NCOA5: variants seen among roughly 807,000 people sequenced by gnomAD.
NCOA5 encodes the protein nuclear receptor coactivator 5, also known as NCoA-5.
NCOA5 carries 12 observed loss-of-function variants against 59.0 expected under a neutral mutation model. The ratio of observed to expected loss-of-function variants is 0.20; its 90% CI spans 0.13 to 0.33. The LOEUF is 0.33. Among genes scored for constraint, NCOA5 ranks in the 10% least tolerant of loss-of-function variants. The pLI, the probability that NCOA5 is intolerant of heterozygous loss-of-function variation, is 1.00. For missense variants in NCOA5, 655 were observed against 766.6 expected (o/e 0.85, Z 1.72); for synonymous variants, 270 against 275.5 (o/e 0.98, Z 0.20).
At chr20:46,075,984 G>C (rs2084934156) in intron 2 of NCOA5, among the ~76,000 whole-genome samples, 1 of 152,202 alleles carries the variant, frequency 6.6e-6, no homozygotes. Context: ...ATTGAATAGA[G>C]AGCAAAGCCA....
At chr20:46,089,331 G>A (rs10774) in intron 1 of NCOA5, among the ~76,000 whole-genome samples, 9,144 of 152,250 alleles carry the variant, frequency 0.06, 916 homozygotes, top group African/African-American at 0.21. Context: ...ACGGTGGCGG[G>A]GGACAGCGCT....
intron 1 of NCOA5, among the ~76,000 whole-genome samples, chr20:46,086,782 G>T (rs1283442536): frequency 6.6e-6 from 1 of 152,348 alleles, no homozygotes; most frequent in East Asian, 1.9e-4. Flanking sequence ...CAGCGTAGTA[G>T]AAAGAGTAGT....
At chr20:46,089,198 C>G (rs1004192031) in intron 1 of NCOA5, among the ~76,000 whole-genome samples, 5 of 152,148 alleles carry the variant, frequency 3.3e-5, no homozygotes, top group African/African-American at 1.2e-4. Flanking sequence ...TGGCGCTGAG[C>G]TACGTGGTAA....
At chr20:46,083,310 T>C (rs2085012064) in intron 1 of NCOA5, among the ~76,000 whole-genome samples, 1 of 152,218 alleles carries the variant, frequency 6.6e-6, no homozygotes. Context: ...TTAGCCAGCA[T>C]GAAAAGGAAG....
intron 5 of NCOA5, among the ~76,000 whole-genome samples, chr20:46,065,468 A>G (rs2084813532): frequency 6.6e-6 from 1 of 152,074 alleles, no homozygotes; most frequent in African/African-American, 2.4e-5. Context: ...CCTTCTCTTG[A>G]TTCTCTAGCC....
intron 2 of NCOA5, 109 bp from the exon 3 acceptor site, chr20:46,070,645 G>C (rs1820747032): frequency 9.7e-7 from 1 of 1,033,190 alleles, no homozygotes; most frequent in African/African-American, 1.6e-5. Flanking sequence ...CTCTAAAACA[G>C]GGCAGCCAAA....
intron 3 of NCOA5, among the ~76,000 whole-genome samples, chr20:46,069,231 C>T (rs967897916): frequency 1.3e-5 from 2 of 152,190 alleles, no homozygotes; most frequent in Non-Finnish European, 2.9e-5. Context: ...AATAACTCCC[C>T]TCTCCCCAGC....
intron 1 of NCOA5, among the ~76,000 whole-genome samples, chr20:46,081,903 T>C (rs952260618): frequency 1.3e-5 from 2 of 151,790 alleles, no homozygotes; most frequent in African/African-American, 4.8e-5. Context: ...TCCTAACACA[T>C]GTGCACATAG....
At chr20:46,082,309 A>T (rs1247975165) in intron 1 of NCOA5, among the ~76,000 whole-genome samples, 1 of 152,190 alleles carries the variant, frequency 6.6e-6, no homozygotes, top group Non-Finnish European at 1.5e-5. Context: ...ATCCTTATAG[A>T]GAGATATAAT....
Position 46,079,406 on chromosome 20 carries a change from T to C in NCOA5, c.19A>G (p.Arg7Gly). 6.2e-7 allele frequency: 1 copy of C among 1,614,100 alleles called. No individual in the cohort carries two copies. Among genetic ancestry groups the C allele is most frequent in the Non-Finnish European group, 8.5e-7 (1 of 1,179,994 alleles). MNTAPS[R>G]PSPTRRDPYG... is the part of the protein sequence containing the mutation. ...CTTTACCTTCGTGTGGGGCTGGGTC[T>C]TGATGGAGCCGTATTCATATTTCTT... The change falls in exon 2 of 8, where the codon AGA becomes GGA. Residue 7 changes from arginine to glycine, a missense_variant. Arg to Gly is a moderately radical substitution (Grantham distance 125, BLOSUM62 -2). Around this residue, in one of 3 missense-constraint regions of NCOA5, gnomAD observed 250 missense variants for 260.1 expected, o/e 0.96. Transcript: ENST00000290231.
chr20:46,069,082 G>A (rs931559459), intron 3 of NCOA5, among the ~76,000 whole-genome samples: 4 of 151,948 alleles, frequency 2.6e-5, no homozygotes, highest in Admixed American at 2.6e-4. Flanking sequence ...AAAGTGCTGG[G>A]ATTACAGGCG....
rs760370737 is a variant in NCOA5 at position 46,065,068 on chromosome 20, G to A, written c.790C>T (p.Arg264Cys). The A allele has an allele frequency of 1.2e-6, 2 of 1,614,046 alleles. No homozygotes were observed. Among genetic ancestry groups the A allele is most frequent in the Admixed American group, 3.3e-5 (2 of 60,004 alleles). ...AACATGATGTTGACTGTGCAGGAGC[G>A]GTGAATCTGGTGTTGCTGGGTGATG... The part of the protein sequence containing the change: ...IVITQQHQIH[R>C]SCTVNIMFGT... The change falls in exon 6 of 8, where the codon CGC becomes TGC. Residue 264 changes from arginine to cysteine, a missense_variant. Physicochemically the swap from Arg to Cys is radical, Grantham distance 180 (BLOSUM62 -3). Transcript: ENST00000290231.
intron 3 of NCOA5, among the ~76,000 whole-genome samples, chr20:46,069,156 GC>G (rs1382287993): frequency 6.6e-6 from 1 of 152,062 alleles, no homozygotes; most frequent in African/African-American, 2.4e-5. Context: ...TATTCACAAT[GC>G]TGTGCAACCA....
intron 4 of NCOA5, among the ~76,000 whole-genome samples, chr20:46,067,409 CCT>C (rs2084836219): frequency 6.6e-6 from 1 of 152,124 alleles, no homozygotes; most frequent in South Asian, 2.1e-4. Flanking sequence ...CAAGCTGCTC[CCT>C]GAGAAGGCTG....
At chr20:46,085,570 G>C (rs758433195) in intron 1 of NCOA5, among the ~76,000 whole-genome samples, 48 of 152,152 alleles carry the variant, frequency 3.2e-4, no homozygotes, top group Non-Finnish European at 5.0e-4. Flanking sequence ...TGAGGAATGA[G>C]TGGGAGTTTA....
rs1319491969 is a variant in NCOA5, at chr20:46,062,687, T to C, written c.1353A>G (p.Ala451=). 6.2e-7 allele frequency: 1 copy of C among 1,614,082 alleles called. No individual in the cohort carries two copies. The highest frequency in any genetic ancestry group is 1.3e-5 in the African/African-American group (1 of 75,036). ...TGTTTCCGGCAGCAACCGAGGGGGA[T>C]GCAGAGCTGCTATTGGCCGTCACTG... is the stretch of plus-strand genomic sequence containing the variant. The part of the protein sequence containing the change: ...SGTVTANSSS[A]SPSVAAGNTP... Residue 451 remains alanine, a synonymous_variant, in exon 8 of 8, where the codon GCA becomes GCG. Transcript: ENST00000290231.
chr20:46,063,442 AG>A lies in NCOA5; in HGVS notation c.1067del (p.Thr356MetfsTer19). 1 of 1,614,178 alleles carries A rather than the reference AG, an allele frequency of 6.2e-7. No homozygotes were observed. Among genetic ancestry groups the A allele is most frequent in the Non-Finnish European group, 8.5e-7 (1 of 1,180,030 alleles). ...INLLADNRYL[T>X]AEETDKIINY... ...TGATGATCTTGTCAGTCTCTTCAGCAGTGAGGTACCTGTTGTCTGCCAGCAG... is the reference window on the plus strand; with the variant it reads ...TGATGATCTTGTCAGTCTCTTCAGCATGAGGTACCTGTTGTCTGCCAGCAG... On this transcript the variant is annotated frameshift_variant, in exon 7 of 8. Transcript: ENST00000290231. LOFTEE classifies it high-confidence loss of function.
intron 1 of NCOA5, among the ~76,000 whole-genome samples, chr20:46,085,198 T>A (rs1473417474): frequency 1.2e-5 from 1 of 85,110 alleles, no homozygotes; most frequent in Admixed American, 1.3e-4. Context: ...ACGCAGCTAA[T>A]TTTTTTTTTT....
chr20:46,063,778 GA>G, intron 6 of NCOA5, 98 bp from the exon 7 acceptor site: 2 of 1,226,212 alleles, frequency 1.6e-6, no homozygotes, highest in South Asian at 1.5e-5. Context: ...ATACCAGCAA[GA>G]AAATCATTTT....
Sources: gnomAD v4.1 joint callset for allele counts (sites outside exome capture counted in the v4.1 genomes callset) on GRCh38, gnomAD v4.1.1 for gene constraint, gnomAD v4.1.1 regional missense constraint, MANE v1.5 for transcripts, NCBI Gene and HGNC (gene_info 2026-07-23, HGNC 2026-07-21) for gene names.